The following CFAP36 variants were observed in gnomAD, a reference collection of about 807,000 sequenced individuals.
CFAP36 encodes the protein cilia and flagella associated protein 36.
In CFAP36, 37 loss-of-function variants were observed where a neutral mutation model predicts 50.5. The observed-to-expected ratio is 0.73, with a 90% CI of 0.56 to 0.96. The LOEUF is 0.96. Among genes scored for constraint, CFAP36 ranks in the 50% least tolerant of loss-of-function variants. The pLI is 0.00. For missense variants in CFAP36, 407 were observed against 396.2 expected (o/e 1.03, Z -0.23); for synonymous variants, 138 against 128.2 (o/e 1.08, Z -0.52).
chr2:55,543,820 G>A, intron 7 of CFAP36, 118 bp from the exon 8 acceptor site: 1 of 984,668 alleles, frequency 1.0e-6, no homozygotes, highest in South Asian at 1.5e-5. Context: ...TATGTTGACT[G>A]AATGACTATG....
intron 6 of CFAP36, among the ~76,000 whole-genome samples, chr2:55,537,255 C>A (rs1057347651): frequency 6.6e-6 from 1 of 151,946 alleles, no homozygotes; most frequent in African/African-American, 2.4e-5. Flanking sequence ...CCTGTAATCC[C>A]AGCTACTCAG....
chr2:55,524,833 T>C (rs1028755044), intron 3 of CFAP36, among the ~76,000 whole-genome samples: 13 of 151,814 alleles, frequency 8.6e-5, no homozygotes, highest in Non-Finnish European at 1.9e-4. Flanking sequence ...CATACAAAAT[T>C]AGCTGGGCAT....
At chr2:55,533,040 C>G (rs559875270) in intron 4 of CFAP36, among the ~76,000 whole-genome samples, 18 of 152,170 alleles carry the variant, frequency 1.2e-4, no homozygotes, top group Admixed American at 7.2e-4. Flanking sequence ...TTGTATCCCC[C>G]CAAAGTGCTT....
At chr2:55,521,924 T>C (rs1165321272) in intron 1 of CFAP36, among the ~76,000 whole-genome samples, 178 bp from the exon 2 acceptor site, 1 of 152,058 alleles carries the variant, frequency 6.6e-6, no homozygotes, top group Non-Finnish European at 1.5e-5. Flanking sequence ...GCCACAGTGC[T>C]CGGCCAATAG....
rs1224737779 is a variant in CFAP36, at chr2:55,533,630, G to A, written c.398-243G>A. 2.0e-5 allele frequency among the ~76,000 whole-genome samples: 3 copies of A among 151,378 alleles called. 1 individual carries two copies. The highest frequency in any genetic ancestry group is 4.4e-5 in the Non-Finnish European group (3 of 67,904). ...GAATCGCTTGAAGCTGGGAGGCAGA[G>A]GTTGCAGTGAGCCCAGATCGTGCCA... On this transcript the variant is annotated intron_variant, in intron 4 of 9. Coordinates refer to ENST00000349456, the MANE Select transcript of CFAP36 (RefSeq NM_080667.7).
Position 55,544,965 on chromosome 2 carries a change from G to T in CFAP36, c.986G>T (p.Arg329Ile). The change falls in exon 10 of 10, where the codon AGA (arginine) becomes ATA (isoleucine). Residue 329 changes from arginine to isoleucine, a missense_variant. Coordinates refer to ENST00000349456, the MANE Select transcript of CFAP36 (RefSeq NM_080667.7). ...GAGAAGCAAACATTACTAAAGAGGA[G>T]ATTGCTTGCAGAGAAACTCAAAGAA... is the stretch of plus-strand genomic sequence containing the variant. ...AEEKQTLLKR[R>I]LLAEKLKEEV... The T allele has an allele frequency of 6.2e-7, 1 of 1,606,000 alleles. No individual in the cohort carries two copies. The highest frequency in any genetic ancestry group is 8.5e-7 in the Non-Finnish European group (1 of 1,176,976).
intron 7 of CFAP36, chr2:55,538,759 TTA>T: frequency 6.5e-7 from 1 of 1,544,740 alleles, no homozygotes; most frequent in Non-Finnish European, 8.7e-7. Context: ...TTTTTTTTTT[TTA>T]AAGAAATTCA....
intron 4 of CFAP36, among the ~76,000 whole-genome samples, chr2:55,532,579 T>C (rs757824629): frequency 3.3e-5 from 5 of 152,254 alleles, no homozygotes; most frequent in Admixed American, 6.5e-5. Context: ...GATTGTGATA[T>C]TGTACTACTA....
chr2:55,542,724 T>A (rs1406212536), intron 7 of CFAP36, among the ~76,000 whole-genome samples: 1 of 152,206 alleles, frequency 6.6e-6, no homozygotes, highest in Non-Finnish European at 1.5e-5. Flanking sequence ...TCCCCCCTCC[T>A]CAGGAATTAT....
chr2:55,543,868 T>A, intron 7 of CFAP36, 70 bp from the exon 8 acceptor site: 1 of 1,437,070 alleles, frequency 7.0e-7, no homozygotes, highest in Non-Finnish European at 9.7e-7. Context: ...CTCATTTCGG[T>A]AAACCTAGCC....
chr2:55,531,441 C>T (rs1388583213), intron 4 of CFAP36, among the ~76,000 whole-genome samples: 3 of 152,096 alleles, frequency 2.0e-5, no homozygotes, highest in Non-Finnish European at 4.4e-5. Context: ...CTGTCAGTAA[C>T]AGAACACTCC....
chr2:55,537,592 T>C lies in CFAP36; in HGVS notation c.640+7T>C, dbSNP rs375431599. On this transcript the variant is annotated splice_region_variant and intron_variant, in intron 7 of 9. Transcript: ENST00000349456. ...TTTGCACACCCACCCTCAGGTAAGG[T>C]TGAGGTGTACTGAACTTTCTCTAAT... 26 of 1,578,302 alleles carry C rather than the reference T, an allele frequency of 1.6e-5. No homozygotes were observed. Among genetic ancestry groups the C allele is most frequent in the Non-Finnish European group, 1.8e-5 (21 of 1,154,522 alleles).
Position 55,544,821 on chromosome 2 carries a change from T to G in CFAP36, c.928-86T>G, listed in dbSNP as rs564539837. 5 of 804,704 alleles carry G rather than the reference T, an allele frequency of 6.2e-6. No individual in the cohort carries two copies. The East Asian group carries it at 1.3e-4, about 21-fold the overall frequency. 49.8% of individuals were successfully genotyped at this position (804,704 alleles called of 1,614,324 possible). ...CCGTCCCACAAGAAGGTGCCCCCGA[T>G]TTTTGTTCATTTGAGGCAGTATGTT... On this transcript the variant is annotated intron_variant, in intron 9 of 9. Coordinates refer to ENST00000349456, the MANE Select transcript of CFAP36 (RefSeq NM_080667.7).
At chr2:55,520,186 C>T (rs190940657) in intron 1 of CFAP36, among the ~76,000 whole-genome samples, 2 of 152,312 alleles carry the variant, frequency 1.3e-5, no homozygotes, top group South Asian at 4.1e-4. Context: ...CCGAAGCGCA[C>T]GTCCGAAGAA....
chr2:55,537,907 A>G (rs189548229), intron 7 of CFAP36, among the ~76,000 whole-genome samples: 1 of 152,354 alleles, frequency 6.6e-6, no homozygotes. Context: ...ATTCTCTTCC[A>G]TGCTTACAGT....
chr2:55,529,585 T>TGA (rs1339218599), intron 4 of CFAP36, among the ~76,000 whole-genome samples: 1 of 152,010 alleles, frequency 6.6e-6, no homozygotes, highest in African/African-American at 2.4e-5. Flanking sequence ...TGGTTACTGT[T>TGA]GAGAGGTGTC....
intron 2 of CFAP36, among the ~76,000 whole-genome samples, chr2:55,522,649 C>A (rs1195948923): frequency 6.6e-6 from 1 of 152,146 alleles, no homozygotes; most frequent in African/African-American, 2.4e-5. Context: ...CCATGCCCTG[C>A]TAATTTTTTT....
chr2:55,525,741 C>T (rs1684192100), intron 3 of CFAP36, among the ~76,000 whole-genome samples: 1 of 152,150 alleles, frequency 6.6e-6, no homozygotes, highest in African/African-American at 2.4e-5. Context: ...AGTGATTCTC[C>T]TGCCTCAGCC....
chr2:55,519,739 A>G lies in CFAP36; in HGVS notation c.-63A>G. On this transcript the variant is annotated 5_prime_UTR_variant, in exon 1 of 10. Transcript: ENST00000349456. ...CTCCCTCTCGGCTCCTTGTGGCCCA[A>G]AGGCCTAACCGGGGTCCGGCGGTCT... 3.9e-6 allele frequency: 6 copies of G among 1,550,342 alleles called. No homozygotes were observed. Among genetic ancestry groups the G allele is most frequent in the Non-Finnish European group, 5.3e-6 (6 of 1,124,002 alleles).
Sources: allele counts gnomAD v4.1 joint callset (sites outside exome capture counted in the v4.1 genomes callset), GRCh38; gene constraint gnomAD v4.1.1; transcripts MANE v1.5; gene names NCBI Gene and HGNC (gene_info 2026-07-23, HGNC 2026-07-21).